CACNA1C: variants seen among roughly 807,000 people sequenced by gnomAD.
CACNA1C encodes the protein voltage-dependent L-type calcium channel subunit alpha-1C.
Under a neutral mutation model 229.0 loss-of-function variants are expected in CACNA1C, and 30 were observed. The ratio of observed to expected loss-of-function variants is 0.13; its 90% CI spans 0.10 to 0.18. The LOEUF (loss-of-function observed/expected upper bound fraction) is 0.18, where lower values mean the gene tolerates loss of function less well. Among genes scored for constraint, CACNA1C ranks in the 10% least tolerant of loss-of-function variants. The pLI is 1.00. For missense variants in CACNA1C, 1,658 were observed against 2,845.0 expected (o/e 0.58, Z 9.49); for synonymous variants, 1,114 against 1,132.5 (o/e 0.98, Z 0.33).
intron 3 of CACNA1C, among the ~76,000 whole-genome samples, chr12:2,163,166 G>T (rs1414278401): frequency 7.0e-6 from 1 of 142,502 alleles, no homozygotes; most frequent in Non-Finnish European, 1.5e-5. Context: ...TCACGCCATT[G>T]CACTCTAGTC....
chr12:1,991,391 T>C (rs1393421785), intron 1 of CACNA1C: 2 of 280,506 alleles, frequency 7.1e-6, no homozygotes, highest in Non-Finnish European at 1.4e-5. Context: ...TCAATAGAAA[T>C]ATGAGGGGAA....
At chr12:2,260,878 A>G (rs2079880915) in intron 3 of CACNA1C, among the ~76,000 whole-genome samples, 1 of 152,110 alleles carries the variant, frequency 6.6e-6, no homozygotes, top group Non-Finnish European at 1.5e-5. Flanking sequence ...GAGAGTTTTT[A>G]TTTGTGTAAA....
chr12:2,060,276 C>T (rs1366095288), intron 1 of CACNA1C, among the ~76,000 whole-genome samples: 13 of 152,114 alleles, frequency 8.5e-5, no homozygotes, highest in African/African-American at 2.9e-4. Flanking sequence ...GACCAGCTGG[C>T]ATTACCAGTA....
At chr12:2,414,961 G>A (rs944040928) in intron 3 of CACNA1C, among the ~76,000 whole-genome samples, 1 of 152,152 alleles carries the variant, frequency 6.6e-6, no homozygotes, top group Non-Finnish European at 1.5e-5. Context: ...GCCTCCTGGA[G>A]TCAGGTATGA....
chr12:2,101,155 G>A lies in CACNA1C; in HGVS notation c.50-14069G>A, dbSNP rs150482970. Among the ~76,000 whole-genome samples the A allele has an allele frequency of 1.1e-3, 163 of 152,194 alleles. 2 individuals are homozygous for A. In the East Asian group the frequency reaches 0.019, roughly 18 times the overall value. ...AATTTTCATGGCTTCCTAAAATGCT[G>A]TCAGTGGATGTGCATTGATTTCTCT... On this transcript the variant is annotated intron_variant, in intron 1 of 46. Transcript: ENST00000399655.
At chr12:2,240,596 G>A (rs2069569209) in intron 3 of CACNA1C, among the ~76,000 whole-genome samples, 1 of 152,204 alleles carries the variant, frequency 6.6e-6, no homozygotes, top group Admixed American at 6.5e-5. Flanking sequence ...CATTTCATAA[G>A]ATCTGGGAGG....
intron 21 of CACNA1C, among the ~76,000 whole-genome samples, chr12:2,599,575 CAG>C (rs2070773269): frequency 6.6e-6 from 1 of 152,160 alleles, no homozygotes; most frequent in Non-Finnish European, 1.5e-5. Flanking sequence ...CGTGGTTGAA[CAG>C]AGAGCTTTCC....
At chr12:2,178,888 C>G (rs907819115) in intron 3 of CACNA1C, among the ~76,000 whole-genome samples, 2 of 152,036 alleles carry the variant, frequency 1.3e-5, no homozygotes, top group African/African-American at 4.8e-5. Context: ...ATGACAAAAC[C>G]CTGTCTGTAC....
At chr12:2,349,785 C>A (rs924182528) in intron 3 of CACNA1C, among the ~76,000 whole-genome samples, 4 of 152,148 alleles carry the variant, frequency 2.6e-5, no homozygotes, top group African/African-American at 9.7e-5. Context: ...GGGAGGAACG[C>A]ACCTTGCACA....
At chr12:2,228,944 G>A (rs2063858137) in intron 3 of CACNA1C, among the ~76,000 whole-genome samples, 1 of 152,170 alleles carries the variant, frequency 6.6e-6, no homozygotes, top group African/African-American at 2.4e-5. Context: ...TTATGTGTGT[G>A]TGTGTGCATA....
chr12:2,174,629 C>G (rs557088289), intron 3 of CACNA1C, among the ~76,000 whole-genome samples: 5 of 152,070 alleles, frequency 3.3e-5, no homozygotes, highest in Non-Finnish European at 7.4e-5. Flanking sequence ...ACAGTTTACC[C>G]TTGAACAACA....
At chr12:2,140,126 G>C (rs1465588848) in intron 3 of CACNA1C, among the ~76,000 whole-genome samples, 1 of 151,254 alleles carries the variant, frequency 6.6e-6, no homozygotes, top group Non-Finnish European at 1.5e-5. Context: ...CTGCCCATAC[G>C]GCTGTGTGTT....
At chr12:2,004,557 C>T in intron 1 of CACNA1C, 3 of 1,359,782 alleles carry the variant, frequency 2.2e-6, no homozygotes, top group South Asian at 1.4e-5. Flanking sequence ...CCTTCCGGCT[C>T]CAGTCACCCC....
chr12:2,022,792 A>T lies in CACNA1C; in HGVS notation c.139+51591A>T, dbSNP rs180793834. 4.4e-3 allele frequency among the ~76,000 whole-genome samples: 671 copies of T among 152,292 alleles called. 6 individuals carry two copies. The highest frequency in any genetic ancestry group is 0.015 in the African/African-American group (627 of 41,568). On this transcript the variant is annotated intron_variant, in intron 1 of 46. Transcript: ENST00000682462. ...AGCCTACGGTAAAATGGGTTTTGTT[A>T]TACCAATTTTGTAATACCCTTATAT... is the stretch of plus-strand genomic sequence containing the variant.
chr12:2,022,997 G>C (rs10848604), intron 1 of CACNA1C, among the ~76,000 whole-genome samples: 70,795 of 151,866 alleles, frequency 0.47, 17,243 homozygotes, highest in East Asian at 0.79. Context: ...ACTGAGAAGG[G>C]CTCTGAGCCT....
chr12:2,090,498 A>G (rs1248045342), intron 1 of CACNA1C, among the ~76,000 whole-genome samples: 1 of 151,722 alleles, frequency 6.6e-6, no homozygotes, highest in East Asian at 1.9e-4. Context: ...TTGTATTCTT[A>G]GTAGAGACAG....
At chr12:2,393,466 A>G (rs2098521978) in intron 3 of CACNA1C, among the ~76,000 whole-genome samples, 3 of 152,218 alleles carry the variant, frequency 2.0e-5, no homozygotes, top group African/African-American at 7.2e-5. Flanking sequence ...TGGCTCTGCC[A>G]TCCACTAGCT....
intron 3 of CACNA1C, among the ~76,000 whole-genome samples, chr12:2,300,616 C>T (rs1416838218): frequency 2.0e-5 from 3 of 152,022 alleles, no homozygotes; most frequent in South Asian, 2.1e-4. Context: ...CAGAGTGAGA[C>T]CTTCTCTAAA....
At chr12:2,224,540 C>T (rs1490248934) in intron 3 of CACNA1C, among the ~76,000 whole-genome samples, 2 of 152,186 alleles carry the variant, frequency 1.3e-5, no homozygotes, top group Non-Finnish European at 2.9e-5. Context: ...GGGTGGTCAG[C>T]TGCATTGCAT....
Sources: gnomAD v4.1 joint callset for allele counts (sites outside exome capture counted in the v4.1 genomes callset) on GRCh38, gnomAD v4.1.1 for gene constraint, MANE v1.5 for transcripts, NCBI Gene and HGNC (gene_info 2026-07-23, HGNC 2026-07-21) for gene names.